Variants in BCL7C observed in about 807,000 individuals in gnomAD.
BCL7C encodes BAF chromatin remodeling complex subunit BCL7C.
A neutral mutation model predicts 26.2 loss-of-function variants in BCL7C; 8 were observed. That is an observed-to-expected ratio of 0.30 (90% CI 0.18 to 0.55). The LOEUF (loss-of-function observed/expected upper bound fraction) is 0.55, where lower values mean the gene tolerates loss of function less well. BCL7C is among the 20% of genes least tolerant of loss of function. The pLI is 0.93. For missense variants in BCL7C, 262 were observed against 298.5 expected (o/e 0.88, Z 0.90); for synonymous variants, 90 against 116.5 (o/e 0.77, Z 1.47).
At chr16:30,859,637 C>A (rs2054753091) in intron 5 of BCL7C, among the ~76,000 whole-genome samples, 1 of 152,196 alleles carries the variant, frequency 6.6e-6, no homozygotes, top group Non-Finnish European at 1.5e-5. Flanking sequence ...CCCCTCCCCA[C>A]CTTTAAGAAG....
intron 5 of BCL7C, among the ~76,000 whole-genome samples, chr16:30,843,312 G>A (rs1294766645): frequency 9.2e-5 from 14 of 152,204 alleles, no homozygotes. Flanking sequence ...AGTAATCCCA[G>A]CACTTTGGGA....
chr16:30,863,444 G>T (rs1027791606), intron 5 of BCL7C, among the ~76,000 whole-genome samples: 2 of 152,016 alleles, frequency 1.3e-5, no homozygotes, highest in Non-Finnish European at 2.9e-5. Context: ...ACTACACAAG[G>T]GTCCTCCATC....
chr16:30,863,580 T>C (rs1596596079), intron 5 of BCL7C, among the ~76,000 whole-genome samples: 1 of 152,210 alleles, frequency 6.6e-6, no homozygotes, highest in Non-Finnish European at 1.5e-5. Flanking sequence ...CTTATGCTGA[T>C]AAGGTAGCTA....
At chr16:30,847,756 A>C (rs978932476) in intron 5 of BCL7C, among the ~76,000 whole-genome samples, 9 of 152,054 alleles carry the variant, frequency 5.9e-5, no homozygotes, top group African/African-American at 1.9e-4. Context: ...AGATTGTGCC[A>C]TTGCACTCCA....
chr16:30,843,656 G>T (rs551655887), intron 5 of BCL7C, among the ~76,000 whole-genome samples: 1 of 152,186 alleles, frequency 6.6e-6, no homozygotes, highest in East Asian at 1.9e-4. Flanking sequence ...GGATCTGCTG[G>T]ATCTCAAGCA....
rs150838242 is a variant in BCL7C at position 30,887,902 on chromosome 16, G to T, written c.617C>A (p.Pro206Gln). Reference protein sequence around the residue: ...GDTEDSEGAPPLKRICPNAPD... With the variant: ...GDTEDSEGAPQLKRICPNAPD... Reference sequence around the variant, plus strand: ...GGCATTTGGGCAGATGCGCTTGAGTGGGGGGGCACCCTCCGAGTCCTCTGT... The same window carrying T: ...GGCATTTGGGCAGATGCGCTTGAGTTGGGGGGCACCCTCCGAGTCCTCTGT... Residue 206 changes from proline to glutamine, a missense_variant, in exon 6 of 6, where the codon CCA (proline) becomes CAA (glutamine). By Grantham distance (76) the Pro-to-Gln change is moderately conservative. Coordinates refer to ENST00000215115, the MANE Select transcript of BCL7C (RefSeq NM_004765.4). 57 of 1,600,132 alleles carry T rather than the reference G, an allele frequency of 3.6e-5. No individual in the cohort carries two copies. Among genetic ancestry groups the T allele is most frequent in the African/African-American group, 2.6e-4 (19 of 73,852 alleles).
Position 30,887,982 on chromosome 16 carries a change from T to C in BCL7C, c.537A>G (p.Glu179=). The C allele has an allele frequency of 6.2e-7, 1 of 1,605,440 alleles. No homozygotes were observed. Among genetic ancestry groups the C allele is most frequent in the South Asian group, 1.1e-5 (1 of 89,736 alleles). ...GCACTGGCTCAAAGACAGGGTAAGC[T>C]TCGGGGGCCTGGAGAGGAAGGGTGG... ...VPELLEAEAP[E]AYPVFEPVPP... The change falls in exon 6 of 6, where the codon GAA becomes GAG. Residue 179 remains glutamate, a synonymous_variant. Transcript: ENST00000215115.
chr16:30,844,348 C>CAAAA (rs55663737), intron 5 of BCL7C, among the ~76,000 whole-genome samples: 1 of 73,404 alleles, frequency 1.4e-5, no homozygotes, highest in African/African-American at 5.8e-5. Context: ...GACTCCGTCT[C>CAAAA]AAAAAAAAAA....
Position 30,893,153 on chromosome 16 carries a change from G to A in BCL7C, c.171+59C>T. ...GAGCTGGAGGTAGAGGTCAGCGTGG[G>A]GAGGAACTTGCCTGAGGTTGCACAG... On this transcript the variant is annotated intron_variant, in intron 2 of 5. Transcript: ENST00000215115. This position sits in a 1 kb window ranked among gnomAD's most constrained non-coding sequence, Gnocchi z 5.2. 1 of 1,549,252 alleles carries A rather than the reference G, an allele frequency of 6.5e-7. No individual in the cohort carries two copies. Among genetic ancestry groups the A allele is most frequent in the Admixed American group, 1.8e-5 (1 of 57,130 alleles).
At chr16:30,886,277 C>T (rs73526617), downstream of BCL7C, among the ~76,000 whole-genome samples, 927 of 152,268 alleles carry the variant, frequency 6.1e-3, 5 homozygotes, top group African/African-American at 0.022. Flanking sequence ...TTACTCGAAG[C>T]TTCCCACAAA....
intron 5 of BCL7C, chr16:30,852,116 T>C (rs1162761155): frequency 6.3e-6 from 1 of 157,592 alleles, no homozygotes; most frequent in Non-Finnish European, 1.4e-5. Context: ...CAACTTCCGA[T>C]GGCCAGACAC....
At chr16:30,850,887 T>C (rs1476312008) in intron 5 of BCL7C, among the ~76,000 whole-genome samples, 1 of 152,168 alleles carries the variant, frequency 6.6e-6, no homozygotes, top group Non-Finnish European at 1.5e-5. Flanking sequence ...ACAAAAAAGA[T>C]TTTTTCTGCA....
intron 5 of BCL7C, among the ~76,000 whole-genome samples, chr16:30,846,244 G>T (rs1232747528): frequency 1.3e-5 from 1 of 74,822 alleles, no homozygotes; most frequent in Non-Finnish European, 2.6e-5. Flanking sequence ...TTATTTTTTG[G>T]AGATGGAGTC....
chr16:30,885,627 C>G (rs2055121109), downstream of BCL7C, among the ~76,000 whole-genome samples: 1 of 152,144 alleles, frequency 6.6e-6, no homozygotes, highest in Non-Finnish European at 1.5e-5. Flanking sequence ...TGGTCTCACA[C>G]TCCTGACCTC....
At chr16:30,871,064 A>T (rs1362737398) in intron 5 of BCL7C, among the ~76,000 whole-genome samples, 1 of 152,230 alleles carries the variant, frequency 6.6e-6, no homozygotes, top group Non-Finnish European at 1.5e-5. Context: ...AACAGTTGTT[A>T]ACTCATCACC....
intron 5 of BCL7C, among the ~76,000 whole-genome samples, chr16:30,837,114 T>A (rs998072885): frequency 2.0e-5 from 3 of 151,634 alleles, no homozygotes; most frequent in Non-Finnish European, 2.9e-5. Context: ...CTTTAAAAAA[T>A]TTTTTTTCAA....
intron 5 of BCL7C, among the ~76,000 whole-genome samples, chr16:30,855,341 C>A (rs1165010102): frequency 1.3e-5 from 2 of 151,886 alleles, no homozygotes; most frequent in African/African-American, 2.4e-5. Flanking sequence ...TGGGTTCAAG[C>A]GATTTGTCTG....
intron 5 of BCL7C, among the ~76,000 whole-genome samples, chr16:30,853,588 C>G (rs2054695332): frequency 6.6e-6 from 1 of 152,150 alleles, no homozygotes; most frequent in Admixed American, 6.5e-5. Context: ...AGATAATGCA[C>G]CATGAACATA....
At chr16:30,853,378 C>T (rs932975446) in intron 5 of BCL7C, among the ~76,000 whole-genome samples, 3 of 152,172 alleles carry the variant, frequency 2.0e-5, no homozygotes, top group African/African-American at 4.8e-5. Flanking sequence ...ACTTCCACAT[C>T]GTGCCCCACT....
Sources: gnomAD v4.1 joint callset for allele counts (sites outside exome capture counted in the v4.1 genomes callset) on GRCh38, gnomAD v4.1.1 for gene constraint, Gnocchi (gnomAD v3.1) non-coding constraint, MANE v1.5 for transcripts, NCBI Gene and HGNC (gene_info 2026-07-23, HGNC 2026-07-21) for gene names.